ETV1: variants seen among roughly 807,000 people sequenced by gnomAD.
ETV1 encodes the protein ETS variant transcription factor 1.
In ETV1, 27 loss-of-function variants were observed where a neutral mutation model predicts 62.3. The ratio of observed to expected loss-of-function variants is 0.43; its 90% CI spans 0.32 to 0.60. ETV1 has a LOEUF of 0.60. Among genes scored for constraint, ETV1 ranks in the 20% least tolerant of loss-of-function variants. ETV1 has a pLI of 0.06. For synonymous variants in ETV1, 222 were observed against 199.6 expected (o/e 1.11, Z -0.94); for missense variants, 605 against 605.8 (o/e 1.00, Z 0.01).
At chr7:13,907,456 G>A (rs1435331646) in intron 11 of ETV1, among the ~76,000 whole-genome samples, 1 of 152,000 alleles carries the variant, frequency 6.6e-6, no homozygotes, top group Non-Finnish European at 1.5e-5. Context: ...TTCATATCTA[G>A]TGTAAAAATC....
intron 9 of ETV1, among the ~76,000 whole-genome samples, chr7:13,931,224 A>T (rs1313670432): frequency 6.6e-6 from 1 of 152,230 alleles, no homozygotes; most frequent in African/African-American, 2.4e-5. Context: ...AAAAAATTGC[A>T]ATGTCCCTCT....
At chr7:13,929,406 T>C (rs905999270) in intron 9 of ETV1, among the ~76,000 whole-genome samples, 2 of 152,206 alleles carry the variant, frequency 1.3e-5, no homozygotes, top group African/African-American at 4.8e-5. Context: ...TGCAACTGTA[T>C]ACCATAACAA....
chr7:13,928,244 T>G (rs1183850147), intron 9 of ETV1, among the ~76,000 whole-genome samples: 1 of 152,182 alleles, frequency 6.6e-6, no homozygotes, highest in Non-Finnish European at 1.5e-5. Flanking sequence ...TTATACATTC[T>G]CAATACCACA....
intron 3 of ETV1, chr7:13,988,609 A>AT: frequency 2.4e-6 from 3 of 1,243,634 alleles, no homozygotes; most frequent in South Asian, 1.9e-5. Flanking sequence ...AAAAAAAAAA[A>AT]GAGAAAATGA....
chr7:13,971,864 A>C (rs534555221), intron 6 of ETV1, among the ~76,000 whole-genome samples: 1 of 152,318 alleles, frequency 6.6e-6, no homozygotes, highest in East Asian at 1.9e-4. Flanking sequence ...TAATCCCAGC[A>C]CTTTGGGAAG....
At chr7:13,987,734 A>T (rs115815871) in intron 4 of ETV1, among the ~76,000 whole-genome samples, 1 of 152,206 alleles carries the variant, frequency 6.6e-6, no homozygotes, top group African/African-American at 2.4e-5. Flanking sequence ...AGCAGTGTAC[A>T]TAGCTGCTGA....
chr7:13,905,938 C>A (rs1193697583), intron 12 of ETV1, among the ~76,000 whole-genome samples: 1 of 152,130 alleles, frequency 6.6e-6, no homozygotes, highest in East Asian at 1.9e-4. Context: ...AGCTGTTTTT[C>A]CCCAATCTTC....
At chr7:13,912,628 G>C (rs1055995724) in intron 9 of ETV1, among the ~76,000 whole-genome samples, 2 of 152,130 alleles carry the variant, frequency 1.3e-5, no homozygotes, top group Non-Finnish European at 2.9e-5. Flanking sequence ...GAATACGACT[G>C]TGTTTTTGCC....
chr7:13,967,730 A>C (rs1780449297), intron 6 of ETV1, among the ~76,000 whole-genome samples: 2 of 151,992 alleles, frequency 1.3e-5, no homozygotes, highest in African/African-American at 2.4e-5. Context: ...AAAAACCCAT[A>C]ACAAACACTA....
intron 9 of ETV1, among the ~76,000 whole-genome samples, chr7:13,913,105 C>T (rs1382677364): frequency 6.6e-6 from 1 of 152,140 alleles, no homozygotes; most frequent in Non-Finnish European, 1.5e-5. Context: ...GACTATGATC[C>T]AAACTAGCTA....
chr7:13,929,218 G>C (rs1339629014), intron 9 of ETV1, among the ~76,000 whole-genome samples: 3 of 152,234 alleles, frequency 2.0e-5, no homozygotes, highest in South Asian at 2.1e-4. Flanking sequence ...CTTAATTAGA[G>C]ACACCAGTGG....
intron 6 of ETV1, among the ~76,000 whole-genome samples, chr7:13,969,686 T>C (rs180993148): frequency 6.6e-6 from 1 of 152,202 alleles, no homozygotes; most frequent in African/African-American, 2.4e-5. Context: ...TTTTTATTCA[T>C]GCCCAGGTCT....
intron 8 of ETV1, among the ~76,000 whole-genome samples, chr7:13,932,742 A>G (rs181516960): frequency 1.3e-5 from 2 of 152,348 alleles, no homozygotes; most frequent in East Asian, 3.9e-4. Context: ...AGGAGTGCTT[A>G]AAAATAACCT....
intron 12 of ETV1, among the ~76,000 whole-genome samples, chr7:13,902,912 T>TGTAGTC (rs1310642330): frequency 6.6e-6 from 1 of 152,200 alleles, no homozygotes; most frequent in Non-Finnish European, 1.5e-5. Context: ...AACAATAAAA[T>TGTAGTC]GTAGTCTTAG....
intron 11 of ETV1, among the ~76,000 whole-genome samples, chr7:13,909,374 C>G (rs1177783615): frequency 1.3e-5 from 2 of 152,166 alleles, no homozygotes; most frequent in Non-Finnish European, 2.9e-5. Context: ...CCCTCTTACG[C>G]TACACAAAGC....
intron 5 of ETV1, among the ~76,000 whole-genome samples, chr7:13,982,522 T>C (rs1204380125): frequency 6.6e-6 from 1 of 152,032 alleles, no homozygotes; most frequent in South Asian, 2.1e-4. Context: ...TAAAATATAC[T>C]TTATCTGCTG....
intron 6 of ETV1, among the ~76,000 whole-genome samples, chr7:13,971,278 T>C (rs1011166985): frequency 6.6e-6 from 1 of 152,118 alleles, no homozygotes; most frequent in African/African-American, 2.4e-5. Flanking sequence ...ACCCAAATGC[T>C]ATTCTTAAAA....
intron 5 of ETV1, among the ~76,000 whole-genome samples, chr7:13,978,444 T>C (rs1487860448): frequency 1.3e-5 from 2 of 152,032 alleles, no homozygotes; most frequent in African/African-American, 4.8e-5. Context: ...GTTAGGTTAC[T>C]TTTAATTTGA....
At chr7:13,931,218 A>G (rs538452012) in intron 9 of ETV1, among the ~76,000 whole-genome samples, 83 of 152,304 alleles carry the variant, frequency 5.4e-4, no homozygotes, top group African/African-American at 1.9e-3. Context: ...TAAGAAAAAA[A>G]ATTGCAATGT....
Sources: allele counts gnomAD v4.1 joint callset (sites outside exome capture counted in the v4.1 genomes callset), GRCh38; gene constraint gnomAD v4.1.1; transcripts MANE v1.5; gene names NCBI Gene and HGNC (gene_info 2026-07-23, HGNC 2026-07-21).